GNG4: variants seen among roughly 807,000 people sequenced by gnomAD.
The protein encoded by GNG4 is guanine nucleotide-binding protein G(I)/G(S)/G(O) subunit gamma-4.
A neutral mutation model predicts 5.8 loss-of-function variants in GNG4; 4 were observed. The ratio of observed to expected loss-of-function variants is 0.69; its 90% CI spans 0.34 to 1.57. GNG4 has a LOEUF of 1.57. GNG4 is among the 40% of genes most tolerant of loss of function. GNG4 has a pLI of 0.06. For missense variants in GNG4, 96 were observed against 95.1 expected (o/e 1.01, Z -0.04); for synonymous variants, 29 against 32.9 (o/e 0.88, Z 0.41).
chr1:235,580,178 G>T (rs1231439725), intron 3 of GNG4, among the ~76,000 whole-genome samples: 4 of 152,186 alleles, frequency 2.6e-5, no homozygotes, highest in Admixed American at 2.0e-4. Flanking sequence ...GATAAATACT[G>T]TATGATCCCA....
chr1:235,598,928 T>C (rs1688188780), intron 1 of GNG4, among the ~76,000 whole-genome samples: 2 of 152,118 alleles, frequency 1.3e-5, no homozygotes, highest in Non-Finnish European at 2.9e-5. Context: ...GGTTTCACCA[T>C]GTTGGTCAGG....
intron 3 of GNG4, among the ~76,000 whole-genome samples, chr1:235,580,064 T>C (rs1439838286): frequency 1.3e-5 from 2 of 152,154 alleles, no homozygotes; most frequent in African/African-American, 2.4e-5. Flanking sequence ...ATCCATGCAA[T>C]GGAATACAAC....
Position 235,642,036 on chromosome 1 carries a change from C to T in GNG4, c.-123+7626G>A, listed in dbSNP as rs528973895. Among the ~76,000 whole-genome samples, 44 of 152,364 alleles carry T rather than the reference C, an allele frequency of 2.9e-4. No individual in the cohort carries two copies. The highest frequency in any genetic ancestry group is 6.2e-4 in the Non-Finnish European group (42 of 68,040). ...GGATTTTTCGCTTCCCCCGCAACTG[C>T]CTGCGTTTTCGTAGCCCTAGAGCTT... is the stretch of plus-strand genomic sequence containing the variant. On this transcript the variant is annotated intron_variant, in intron 1 of 3. Transcript: ENST00000391854. The surrounding 1 kb of genome is among the most constrained non-coding windows in gnomAD (Gnocchi z 4.3).
At chr1:235,587,015 T>C (rs964364907) in intron 2 of GNG4, among the ~76,000 whole-genome samples, 1 of 151,876 alleles carries the variant, frequency 6.6e-6, no homozygotes. Context: ...TGGGGGAGGT[T>C]CAGGGGAGGA....
At chr1:235,587,970 G>C (rs946878133) in intron 2 of GNG4, among the ~76,000 whole-genome samples, 1 of 151,648 alleles carries the variant, frequency 6.6e-6, no homozygotes, top group Non-Finnish European at 1.5e-5. Context: ...GTCATGTGGC[G>C]GGGAGGGAAC....
chr1:235,607,735 C>T (rs968358687), intron 1 of GNG4, among the ~76,000 whole-genome samples: 2 of 152,134 alleles, frequency 1.3e-5, no homozygotes, highest in Admixed American at 1.3e-4. Context: ...TAGGGTGCAG[C>T]CTCCTACTTC....
At chr1:235,591,455 A>T (rs1191027302) in intron 2 of GNG4, among the ~76,000 whole-genome samples, 1 of 152,198 alleles carries the variant, frequency 6.6e-6, no homozygotes, top group Non-Finnish European at 1.5e-5. Context: ...TGCTTTGAAG[A>T]TAGAGCCCTA....
chr1:235,576,283 C>T (rs192833696), intron 3 of GNG4, among the ~76,000 whole-genome samples: 8 of 151,640 alleles, frequency 5.3e-5, no homozygotes, highest in African/African-American at 9.7e-5. Context: ...AGGCTGGTCT[C>T]GATCTCCTGA....
intron 3 of GNG4, chr1:235,565,706 A>G (rs1166291888): frequency 6.6e-6 from 1 of 152,044 alleles, no homozygotes; most frequent in Non-Finnish European, 1.5e-5. Flanking sequence ...TCTCTATTAA[A>G]TTTTTTTTCA....
At chr1:235,623,670 G>GTCCTGACCTCCAGGGAATCTT in intron 1 of GNG4, among the ~76,000 whole-genome samples, 1 of 152,130 alleles carries the variant, frequency 6.6e-6, no homozygotes, top group South Asian at 2.1e-4. Flanking sequence ...TGCATCAGCT[G>GTCCTGACCTCCAGGGAATCTT]TCCTGACCTC....
intron 1 of GNG4, among the ~76,000 whole-genome samples, chr1:235,616,726 A>ATGTGTG (rs56726138): frequency 2.7e-4 from 41 of 149,858 alleles, no homozygotes; most frequent in African/African-American, 9.3e-4. Context: ...GTGCTGAAAG[A>ATGTGTG]TGTGTGTGTG....
upstream of GNG4, chr1:235,650,096 C>A: frequency 6.8e-6 from 1 of 147,416 alleles, no homozygotes; most frequent in South Asian, 2.0e-4. Flanking sequence ...CCGCGCTCCC[C>A]GCCCCCGCCC....
At chr1:235,562,017 C>A (rs1439381231) in intron 3 of GNG4, among the ~76,000 whole-genome samples, 1 of 152,076 alleles carries the variant, frequency 6.6e-6, no homozygotes, top group Non-Finnish European at 1.5e-5. Flanking sequence ...GATTCATTTT[C>A]TGCATGTGGA....
intron 1 of GNG4, among the ~76,000 whole-genome samples, chr1:235,618,900 C>A (rs1193509248): frequency 6.6e-6 from 1 of 151,338 alleles, no homozygotes; most frequent in East Asian, 2.0e-4. Context: ...AAGTGATCCT[C>A]CCACCTTGGC....
At chr1:235,603,642 A>G (rs1245458414) in intron 1 of GNG4, among the ~76,000 whole-genome samples, 2 of 152,196 alleles carry the variant, frequency 1.3e-5, no homozygotes, top group Non-Finnish European at 2.9e-5. Context: ...CAATTACTCA[A>G]CTTACATCTT....
chr1:235,561,394 C>T (rs373110136), intron 3 of GNG4, among the ~76,000 whole-genome samples: 5 of 151,470 alleles, frequency 3.3e-5, no homozygotes, highest in Admixed American at 6.6e-5. Flanking sequence ...TGCACGCGCT[C>T]GCGCTCTCTC....
At chr1:235,626,410 T>C (rs1006058928) in intron 1 of GNG4, among the ~76,000 whole-genome samples, 16 of 150,426 alleles carry the variant, frequency 1.1e-4, no homozygotes, top group African/African-American at 3.5e-4. Context: ...TCAAAGCTCA[T>C]AGGGAGGGCC....
intron 3 of GNG4, among the ~76,000 whole-genome samples, chr1:235,582,337 C>T (rs976451966): frequency 6.6e-6 from 1 of 152,236 alleles, no homozygotes; most frequent in African/African-American, 2.4e-5. Context: ...ACCTGCAGCT[C>T]CTCCCGCTGC....
intron 1 of GNG4, among the ~76,000 whole-genome samples, chr1:235,602,213 A>C (rs4294401): frequency 0.28 from 42,500 of 151,986 alleles, 7,592 homozygotes; most frequent in African/African-American, 0.5. Context: ...CGGAGGTTGC[A>C]GTGAGCTGAG....
Sources: allele counts gnomAD v4.1 joint callset (sites outside exome capture counted in the v4.1 genomes callset), GRCh38; gene constraint gnomAD v4.1.1; non-coding constraint Gnocchi (gnomAD v3.1); transcripts MANE v1.5; gene names NCBI Gene and HGNC (gene_info 2026-07-23, HGNC 2026-07-21).